The following C2CD3 variants were observed in gnomAD, a reference collection of about 807,000 sequenced individuals.
C2CD3 encodes C2 domain containing 3 centriole elongation regulator, also known as C2 domain-containing protein 3.
Under a neutral mutation model 234.0 loss-of-function variants are expected in C2CD3, and 148 were observed. That is an observed-to-expected ratio of 0.63 (90% CI 0.55 to 0.72). The LOEUF (loss-of-function observed/expected upper bound fraction) is 0.72, where lower values mean the gene tolerates loss of function less well. Among genes scored for constraint, C2CD3 ranks in the 30% least tolerant of loss-of-function variants. The probability of loss-of-function intolerance (pLI) is 0.00; values close to 1 mark genes in which losing one functional copy is unlikely to be tolerated. For missense variants in C2CD3, 2,577 were observed against 2,811.5 expected (o/e 0.92, Z 1.89); for synonymous variants, 1,000 against 1,035.4 (o/e 0.97, Z 0.66).
intron 31 of C2CD3, among the ~76,000 whole-genome samples, chr11:74,029,216 G>T (rs550058955): frequency 6.6e-6 from 1 of 152,280 alleles, no homozygotes; most frequent in South Asian, 2.1e-4. Context: ...AACTCTGAAG[G>T]GGGTAAAGAG....
rs748807026 is a variant in C2CD3, at chr11:74,103,474, G to A, written c.2237C>T (p.Pro746Leu). The A allele has an allele frequency of 5.0e-6, 8 of 1,614,146 alleles. No homozygotes were observed. The South Asian group carries it at 8.8e-5, about 18-fold the overall frequency. ...LNQDMTCTKN[P>L]QNLNQIHEET... ...CTCATGAATTTGGTTTAAGTTTTGT[G>A]GATTTTTGGTACAGGTCATATCTTG... Residue 746 changes from proline (P) to leucine (L), a missense_variant, in exon 14 of 33, where the codon CCA becomes CTA. Coordinates refer to ENST00000334126, the MANE Select transcript of C2CD3 (RefSeq NM_001286577.2).
At position 74,074,303 on chromosome 11, in the gene C2CD3, G is replaced by A. The variant is rs559034596; in HGVS notation, c.4901C>T (p.Thr1634Met). Residue 1634 changes from threonine to methionine, a missense_variant, in exon 24 of 33, where the codon ACG becomes ATG. By Grantham distance (81) the Thr-to-Met change is moderately conservative. Coordinates refer to ENST00000334126, the MANE Select transcript of C2CD3 (RefSeq NM_001286577.2). ...TQEGPADLDG[T>M]FAVSILVERA... ...TTCTACTAGGATGCTGACTGCAAAC[G>A]TTCCATCCAAATCAGCAGGGCCCTC... 69 of 1,614,166 alleles carry A rather than the reference G, an allele frequency of 4.3e-5. No homozygotes were observed. The highest frequency in any genetic ancestry group is 3.0e-4 in the South Asian group (27 of 91,084).
At position 74,033,488 on chromosome 11, in the gene C2CD3, G is replaced by A; in HGVS notation, c.6672C>T (p.Ser2224=). Residue 2224 remains serine (S), a synonymous_variant, in exon 31 of 33, where the codon AGC becomes AGT. Transcript: ENST00000334126. ...ATSELGDSAD[S]FKKLPLNLAS... Reference sequence around the variant, plus strand: ...CTAGATTTAGCGGCAACTTCTTGAAGCTATCAGCAGAGTCACCGAGCTCAC... The same window carrying A: ...CTAGATTTAGCGGCAACTTCTTGAAACTATCAGCAGAGTCACCGAGCTCAC... The A allele has an allele frequency of 6.5e-6, 10 of 1,536,204 alleles. No homozygotes were observed. Among genetic ancestry groups the A allele is most frequent in the Non-Finnish European group, 8.7e-6 (10 of 1,146,920 alleles).
intron 9 of C2CD3, among the ~76,000 whole-genome samples, chr11:74,117,969 T>C (rs896671060): frequency 2.0e-5 from 3 of 150,570 alleles, no homozygotes; most frequent in African/African-American, 4.9e-5. Flanking sequence ...GCTTGGGTGA[T>C]GGGAGCACCA....
intron 24 of C2CD3, among the ~76,000 whole-genome samples, chr11:74,058,116 A>G (rs1228354872): frequency 6.6e-6 from 1 of 152,232 alleles, no homozygotes; most frequent in African/African-American, 2.4e-5. Flanking sequence ...GAGAGGCAAA[A>G]GACAGGACAG....
chr11:74,122,405 A>T (rs1195133357), intron 8 of C2CD3, among the ~76,000 whole-genome samples: 1 of 152,212 alleles, frequency 6.6e-6, no homozygotes, highest in African/African-American at 2.4e-5. Context: ...CCTGGAGAAA[A>T]GGAAAATCAG....
chr11:74,114,728 G>A (rs1332718400), intron 9 of C2CD3, 135 bp from the exon 10 acceptor site: 2 of 630,392 alleles, frequency 3.2e-6, no homozygotes, highest in African/African-American at 3.7e-5. Flanking sequence ...TTGACACAGG[G>A]TGTTGCTCTG....
chr11:74,161,410 C>T lies in C2CD3; in HGVS notation c.472G>A (p.Gly158Arg), dbSNP rs537620099. ...TIVSSTSKKL[G>R]ELQVSLALEP... The stretch of plus-strand genomic sequence containing the variant: ...AAATATATTTTTACCTGGAGTTCTC[C>T]AAGTTTCTTAGACGTTGATGAAACA... The change falls in exon 3 of 33, where the codon GGA becomes AGA. Residue 158 changes from glycine to arginine, a missense_variant. Coordinates refer to ENST00000334126, the MANE Select transcript of C2CD3 (RefSeq NM_001286577.2). The T allele has an allele frequency of 1.3e-6, 2 of 1,572,312 alleles. No homozygotes were observed. The highest frequency in any genetic ancestry group is 1.7e-6 in the Non-Finnish European group (2 of 1,163,612).
chr11:74,140,621 C>G (rs1958022150), intron 3 of C2CD3, among the ~76,000 whole-genome samples: 1 of 152,160 alleles, frequency 6.6e-6, no homozygotes, highest in Non-Finnish European at 1.5e-5. Flanking sequence ...TTAGATTATG[C>G]ATTCCTTGAA....
intron 8 of C2CD3, 52 bp downstream of exon 8, chr11:74,122,936 T>C: frequency 1.4e-6 from 2 of 1,477,562 alleles, no homozygotes; most frequent in Non-Finnish European, 1.9e-6. Flanking sequence ...GCTACTAATA[T>C]TATTAATACA....
At chr11:74,118,587 T>G (rs1235793033) in intron 8 of C2CD3, among the ~76,000 whole-genome samples, 2 of 152,212 alleles carry the variant, frequency 1.3e-5, no homozygotes, top group Non-Finnish European at 2.9e-5. Context: ...CAAGTTCAGT[T>G]CAAAGCAAAT....
In C2CD3 at chr11:74,113,900, G is replaced by GA. The variant is rs770714723; in HGVS notation, c.1731-9dup. ...TATTCTACAAAGAAAGTGCTAAAAAGAAAAAAAAAGTGATTAAAAACTAAC... is the reference window on the plus strand; with the variant it reads ...TATTCTACAAAGAAAGTGCTAAAAAGAAAAAAAAAAGTGATTAAAAACTAAC... On this transcript the variant is annotated splice_polypyrimidine_tract_variant and intron_variant, in intron 10 of 32. Transcript: ENST00000334126. 833 of 1,454,440 alleles carry GA rather than the reference G, an allele frequency of 5.7e-4. No homozygotes were observed. The highest frequency in any genetic ancestry group is 6.4e-4 in the Non-Finnish European group (682 of 1,066,082). The allele number at this position is 1,454,440 out of a possible 1,614,324, so 90.1% of individuals were successfully genotyped here.
Position 74,037,707 on chromosome 11 carries a change from A to C in C2CD3, c.5661-9T>G, listed in dbSNP as rs772008965. 8.6e-5 allele frequency: 138 copies of C among 1,601,874 alleles called. No homozygotes were observed. Among genetic ancestry groups the C allele is most frequent in the Non-Finnish European group, 1.1e-4 (132 of 1,170,560 alleles). ...GCTCACTCAGATTCTTCCTATAAAC[A>C]AAAGGGGGAGAAGAAGACAAAGGGG... On this transcript the variant is annotated splice_polypyrimidine_tract_variant and intron_variant, in intron 29 of 32. Coordinates refer to ENST00000334126, the MANE Select transcript of C2CD3 (RefSeq NM_001286577.2).
At chr11:74,028,255 A>G in intron 32 of C2CD3, 32 bp downstream of exon 32, 2 of 1,415,072 alleles carry the variant, frequency 1.4e-6, no homozygotes, top group Non-Finnish European at 1.9e-6. Flanking sequence ...TGATGACTCT[A>G]TAGAAGAAAG....
chr11:74,065,849 G>A (rs543224195), intron 24 of C2CD3, among the ~76,000 whole-genome samples: 1 of 146,546 alleles, frequency 6.8e-6, no homozygotes, highest in Non-Finnish European at 1.5e-5. Context: ...TCACTCATAG[G>A]TGGGAATTGA....
Position 74,034,098 on chromosome 11 carries a change from G to A in C2CD3, c.6062C>T (p.Pro2021Leu). Reference sequence around the variant, plus strand: ...ATTTGAAGTCTCTTCGAGAGGAGGGGGTGATGGGGAATCTGTGCCTTTATC... The same window carrying A: ...ATTTGAAGTCTCTTCGAGAGGAGGGAGTGATGGGGAATCTGTGCCTTTATC... Reference protein sequence around the residue: ...APDKGTDSPSPPPLEETSNGG... With the variant: ...APDKGTDSPSLPPLEETSNGG... Residue 2021 changes from proline (P) to leucine (L), a missense_variant, in exon 31 of 33, where the codon CCC becomes CTC. Coordinates refer to ENST00000334126, the MANE Select transcript of C2CD3 (RefSeq NM_001286577.2). 6.5e-7 allele frequency: 1 copy of A among 1,536,196 alleles called. No homozygotes were observed.
At position 74,057,456 on chromosome 11, in the gene C2CD3, T is replaced by C. The variant is rs772883564; in HGVS notation, c.5040A>G (p.Gln1680=). Residue 1680 remains glutamine, a synonymous_variant, in exon 25 of 33, where the codon CAA becomes CAG. Coordinates refer to ENST00000334126, the MANE Select transcript of C2CD3 (RefSeq NM_001286577.2). Reference sequence around the variant, plus strand: ...TGGGGGAATCTGTGTTTTCAACCACTTGGGTGTATACAGGAGATGACTCAT... The same window carrying C: ...TGGGGGAATCTGTGTTTTCAACCACCTGGGTGTATACAGGAGATGACTCAT... ...TADESSPVYT[Q]VVENTDSPIW... is the part of the protein sequence containing the mutation. The C allele has an allele frequency of 1.2e-6, 2 of 1,614,028 alleles. No homozygotes were observed. Among genetic ancestry groups the C allele is most frequent in the African/African-American group, 2.7e-5 (2 of 74,932 alleles).
intron 14 of C2CD3, among the ~76,000 whole-genome samples, chr11:74,101,330 C>T (rs1419514326): frequency 6.6e-6 from 1 of 152,134 alleles, no homozygotes; most frequent in African/African-American, 2.4e-5. Flanking sequence ...TTTGAAGAAA[C>T]CCAAGCTGTA....
chr11:74,119,474 T>C (rs1205724921), intron 8 of C2CD3, among the ~76,000 whole-genome samples: 1 of 152,174 alleles, frequency 6.6e-6, no homozygotes, highest in Non-Finnish European at 1.5e-5. Flanking sequence ...AGCTTGCTAA[T>C]ATAATATAAA....
Sources: gnomAD v4.1 joint callset for allele counts (sites outside exome capture counted in the v4.1 genomes callset) on GRCh38, gnomAD v4.1.1 for gene constraint, MANE v1.5 for transcripts, NCBI Gene and HGNC (gene_info 2026-07-23, HGNC 2026-07-21) for gene names.